The following SLCO3A1 variants were observed in gnomAD, a reference collection of about 807,000 sequenced individuals.
The protein encoded by SLCO3A1 is solute carrier organic anion transporter family member 3A1.
In SLCO3A1, 27 loss-of-function variants were observed where a neutral mutation model predicts 63.1. The observed-to-expected ratio is 0.43, with a 90% CI of 0.32 to 0.59. The LOEUF is 0.59. Among genes scored for constraint, SLCO3A1 ranks in the 20% least tolerant of loss-of-function variants. The pLI is 0.09. For missense variants in SLCO3A1, 773 were observed against 945.8 expected, an observed-to-expected ratio of 0.82 and a Z score of 2.40; for synonymous variants, 473 against 409.9, an observed-to-expected ratio of 1.15 and a Z score of -1.86.
At chr15:92,045,644 T>C (rs1235153713) in intron 2 of SLCO3A1, among the ~76,000 whole-genome samples, 1 of 152,210 alleles carries the variant, frequency 6.6e-6, no homozygotes, top group East Asian at 1.9e-4. Context: ...CTTCCACCTT[T>C]TCAGCAGTAT....
Position 92,162,848 on chromosome 15 carries a change from C to T in SLCO3A1, c.1846C>T (p.Leu616Phe). 1 of 1,614,204 alleles carries T rather than the reference C, an allele frequency of 6.2e-7. No homozygotes were observed. The highest frequency in any genetic ancestry group is 8.5e-7 in the Non-Finnish European group (1 of 1,180,042). ...TFCGEQGACV[L>F]YDNVVYRYLY... is the part of the protein sequence containing the mutation. The stretch of plus-strand genomic sequence containing the variant: ...CTGTGGGGAGCAAGGCGCCTGCGTC[C>T]TCTACGACAATGTGGTCTACCGATA... The change falls in exon 10 of 10, where the codon CTC becomes TTC. Residue 616 changes from leucine (L) to phenylalanine (F), a missense_variant. Physicochemically the swap from Leu to Phe is conservative, Grantham distance 22 (BLOSUM62 0). Around this residue, in one of 3 missense-constraint regions of SLCO3A1, gnomAD observed 139 missense variants for 131.4 expected, o/e 1.06. Coordinates refer to ENST00000318445, the MANE Select transcript of SLCO3A1 (RefSeq NM_013272.4).
chr15:92,062,925 A>G (rs1364829347), intron 2 of SLCO3A1, among the ~76,000 whole-genome samples: 1 of 152,214 alleles, frequency 6.6e-6, no homozygotes, highest in Non-Finnish European at 1.5e-5. Flanking sequence ...GTCAGAAGGT[A>G]CAGCTCTGTG....
chr15:92,121,494 T>A (rs1382318857), intron 5 of SLCO3A1, among the ~76,000 whole-genome samples: 1 of 152,184 alleles, frequency 6.6e-6, no homozygotes, highest in African/African-American at 2.4e-5. Flanking sequence ...AGTTTCTGGA[T>A]CAGACCTGAA....
At chr15:91,987,967 A>G (rs895025862) in intron 2 of SLCO3A1, among the ~76,000 whole-genome samples, 2 of 152,162 alleles carry the variant, frequency 1.3e-5, no homozygotes, top group Non-Finnish European at 2.9e-5. Flanking sequence ...AAGGGAATCC[A>G]TTCAAGAACA....
chr15:91,952,335 A>G (rs1219999093), intron 2 of SLCO3A1, among the ~76,000 whole-genome samples: 1 of 152,158 alleles, frequency 6.6e-6, no homozygotes, highest in Admixed American at 6.5e-5. Context: ...TCAAACTAGT[A>G]CCTTTCACTA....
chr15:91,867,480 C>T (rs1478855174), intron 1 of SLCO3A1, among the ~76,000 whole-genome samples: 1 of 151,314 alleles, frequency 6.6e-6, no homozygotes, highest in African/African-American at 2.4e-5. Context: ...GATGAGCTAA[C>T]ATTAGGAAAG....
intron 2 of SLCO3A1, among the ~76,000 whole-genome samples, chr15:92,030,954 G>A (rs981836287): frequency 5.8e-5 from 8 of 138,668 alleles, no homozygotes; most frequent in African/African-American, 1.6e-4. Context: ...TGAGTGTGCT[G>A]TAGAATTACA....
intron 9 of SLCO3A1, among the ~76,000 whole-genome samples, chr15:92,158,808 T>C (rs1258347930): frequency 6.6e-6 from 1 of 152,212 alleles, no homozygotes; most frequent in African/African-American, 2.4e-5. Flanking sequence ...ACCTGCAGTT[T>C]AGGGCCTGAT....
Position 92,129,503 on chromosome 15 carries a change from C to T in SLCO3A1, c.1512+1014C>T, listed in dbSNP as rs182886136. ...TGGGGTTTTTCTCCCTGAAGTCCTT[C>T]GGTGCCTCTTTCTCCTAAAGACATT... On this transcript the variant is annotated intron_variant, in intron 7 of 9. Coordinates refer to ENST00000318445, the MANE Select transcript of SLCO3A1 (RefSeq NM_013272.4). Among the ~76,000 whole-genome samples the T allele has an allele frequency of 1.9e-3, 294 of 152,268 alleles. 1 individual carries two copies. Among genetic ancestry groups the T allele is most frequent in the African/African-American group, 6.8e-3 (284 of 41,550 alleles).
chr15:92,171,994 G>T (rs915965958), exon 11 of SLCO3A1: 1 of 683,948 alleles, frequency 1.5e-6, no homozygotes, highest in East Asian at 2.7e-5. Flanking sequence ...GCCAGTGTGT[G>T]GTCCTTTGAG....
At chr15:91,924,926 G>C (rs2151385544) in intron 2 of SLCO3A1, among the ~76,000 whole-genome samples, 1 of 152,350 alleles carries the variant, frequency 6.6e-6, no homozygotes, top group African/African-American at 2.4e-5. Context: ...AGAAACTTTA[G>C]AACATAGCAC....
chr15:91,958,534 T>C (rs72754092), intron 2 of SLCO3A1, among the ~76,000 whole-genome samples: 11,553 of 152,250 alleles, frequency 0.076, 499 homozygotes, highest in Non-Finnish European at 0.09. Flanking sequence ...ATGGAGAGCA[T>C]ATGCCTCACC....
intron 4 of SLCO3A1, among the ~76,000 whole-genome samples, chr15:92,107,298 C>A (rs1285839715): frequency 6.6e-6 from 1 of 152,158 alleles, no homozygotes; most frequent in Non-Finnish European, 1.5e-5. Flanking sequence ...TCCTTAAGAG[C>A]CAAAATACAG....
At chr15:91,988,479 C>T (rs28638123) in intron 2 of SLCO3A1, among the ~76,000 whole-genome samples, 38,715 of 151,864 alleles carry the variant, frequency 0.25, 5,871 homozygotes, top group African/African-American at 0.41. Flanking sequence ...ATTAAAAATT[C>T]AGTGAGCCCA....
At chr15:91,884,244 T>C (rs1897666758) in intron 1 of SLCO3A1, among the ~76,000 whole-genome samples, 1 of 152,174 alleles carries the variant, frequency 6.6e-6, no homozygotes, top group East Asian at 1.9e-4. Context: ...GTGCAATGGC[T>C]TACGCCTGTA....
intron 2 of SLCO3A1, among the ~76,000 whole-genome samples, chr15:91,952,035 G>T (rs537991365): frequency 2.0e-5 from 3 of 152,084 alleles, no homozygotes; most frequent in Non-Finnish European, 4.4e-5. Context: ...TCACAGCCTC[G>T]CCAACACTTA....
intron 2 of SLCO3A1, among the ~76,000 whole-genome samples, chr15:92,065,277 G>C (rs1180968319): frequency 1.3e-5 from 2 of 152,044 alleles, no homozygotes; most frequent in African/African-American, 4.8e-5. Flanking sequence ...GGTAGAGATA[G>C]GGTTTCACCA....
downstream of SLCO3A1, among the ~76,000 whole-genome samples, chr15:92,169,568 G>A (rs183012619): frequency 1.3e-5 from 2 of 150,562 alleles, no homozygotes; most frequent in East Asian, 4.0e-4. Flanking sequence ...ACAGATAAGA[G>A]GAATCAGATA....
chr15:92,151,369 G>A (rs940030076), intron 9 of SLCO3A1, among the ~76,000 whole-genome samples: 4 of 152,154 alleles, frequency 2.6e-5, no homozygotes, highest in Non-Finnish European at 5.9e-5. Flanking sequence ...TTATGGGGCC[G>A]CCAGCTGGGA....
Sources: gnomAD v4.1 joint callset for allele counts (sites outside exome capture counted in the v4.1 genomes callset) on GRCh38, gnomAD v4.1.1 for gene constraint, gnomAD v4.1.1 regional missense constraint, MANE v1.5 for transcripts, NCBI Gene and HGNC (gene_info 2026-07-23, HGNC 2026-07-21) for gene names.